The following CHRNB4 variants were observed in gnomAD, a reference collection of about 807,000 sequenced individuals.
CHRNB4 encodes cholinergic receptor nicotinic beta 4 subunit, also known as neuronal acetylcholine receptor subunit beta-4.
CHRNB4 carries 23 observed loss-of-function variants against 40.4 expected under a neutral mutation model. The observed-to-expected ratio is 0.57, with a 90% CI of 0.41 to 0.81. The LOEUF (loss-of-function observed/expected upper bound fraction) is 0.81, where lower values mean the gene tolerates loss of function less well. Among genes scored for constraint, CHRNB4 ranks in the 30% least tolerant of loss-of-function variants. The pLI, the probability that CHRNB4 is intolerant of heterozygous loss-of-function variation, is 0.00. For missense variants in CHRNB4, 568 were observed against 670.6 expected (o/e 0.85, Z 1.69); for synonymous variants, 285 against 274.4 (o/e 1.04, Z -0.38).
intron 7 of CHRNB4, among the ~76,000 whole-genome samples, chr15:78,647,788 A>G (rs2054137533): frequency 7.3e-6 from 1 of 136,554 alleles, no homozygotes; most frequent in African/African-American, 2.7e-5. Flanking sequence ...TGAATCCAGG[A>G]GGCGGAGCTT....
chr15:78,649,525 C>A (rs2054154282), intron 6 of CHRNB4: 2 of 352,604 alleles, frequency 5.7e-6, no homozygotes, highest in South Asian at 2.1e-5. Context: ...GCAACAGAGA[C>A]CATATGTTGC....
chr15:78,631,120 G>T lies in CHRNB4; in HGVS notation c.315C>A (p.Ile105=), dbSNP rs770178895. 19 of 1,614,106 alleles carry T rather than the reference G, an allele frequency of 1.2e-5. No individual in the cohort carries two copies. In the East Asian group the frequency reaches 4.2e-4, roughly 36 times the overall value. ...CAGGCAACCAGATGCGCTTTGCAGG[G>T]ATCCTCAGGATGTTCACACCCTCGT... The part of the protein sequence containing the change: ...SRYEGVNILR[I]PAKRIWLPDI... Residue 105 remains isoleucine, a synonymous_variant, in exon 4 of 6, where the codon ATC becomes ATA. Coordinates refer to ENST00000261751, the MANE Select transcript of CHRNB4 (RefSeq NM_000750.5).
upstream of CHRNB4, chr15:78,661,110 G>A: frequency 4.9e-6 from 3 of 613,370 alleles, no homozygotes; most frequent in South Asian, 2.7e-5. Context: ...TGGAGCGGAC[G>A]TAGGCTTTGG....
At chr15:78,631,430 G>T in intron 2 of CHRNB4, 98 bp from the exon 3 acceptor site, 3 of 1,132,654 alleles carry the variant, frequency 2.6e-6, no homozygotes, top group Non-Finnish European at 2.6e-6. Context: ...CCAGGCCCAC[G>T]TGACCAACTG....
intron 2 of CHRNB4, among the ~76,000 whole-genome samples, chr15:78,632,258 TC>T (rs2053846884): frequency 7.1e-6 from 1 of 140,470 alleles, no homozygotes; most frequent in African/African-American, 2.8e-5. Context: ...TCTCTCTCTT[TC>T]TTTCTTTCTT....
intron 1 of CHRNB4, among the ~76,000 whole-genome samples, chr15:78,659,500 AAC>A (rs1199477649): frequency 1.3e-5 from 2 of 152,010 alleles, no homozygotes; most frequent in African/African-American, 2.4e-5. Flanking sequence ...GAGAAAACAA[AAC>A]AGAGTGATGT....
At chr15:78,641,909 C>A (rs2054080991), upstream of CHRNB4, among the ~76,000 whole-genome samples, 1 of 152,180 alleles carries the variant, frequency 6.6e-6, no homozygotes, top group South Asian at 2.1e-4. Flanking sequence ...AGTACCATTC[C>A]CTTGCGGGTG....
At chr15:78,625,725 G>A (rs920466599) in intron 5 of CHRNB4, among the ~76,000 whole-genome samples, 2 of 152,206 alleles carry the variant, frequency 1.3e-5, no homozygotes, top group African/African-American at 2.4e-5. Context: ...CTAGTTCAGT[G>A]AGAGCAGAGA....
rs553054255 is a variant in CHRNB4 at position 78,649,737 on chromosome 15, T to C, written c.-15-298A>G. 1.4e-4 allele frequency among the ~76,000 whole-genome samples: 22 copies of C among 152,040 alleles called. No individual in the cohort carries two copies. The South Asian group carries it at 3.9e-3, about 27-fold the overall frequency. On this transcript the variant is annotated intron_variant and NMD_transcript_variant, in intron 6 of 11. Transcript: ENST00000559849. ...ACATGTTTAAAGATACCCACGTAAG[T>C]AGCAGAAGAATAAAATTGCACGAGT...
At chr15:78,644,241 T>A (rs575262008), upstream of CHRNB4, among the ~76,000 whole-genome samples, 23 of 151,472 alleles carry the variant, frequency 1.5e-4, no homozygotes, top group African/African-American at 5.1e-4. Context: ...AGGCCTTTCA[T>A]GAAGAGTGTT....
rs756372103 is a variant in CHRNB4, at chr15:78,625,257, A to T, written c.1373T>A (p.Val458Glu). 6.4e-7 allele frequency: 1 copy of T among 1,559,964 alleles called. No individual in the cohort carries two copies. The highest frequency in any genetic ancestry group is 1.4e-5 in the African/African-American group (1 of 73,042). Residue 458 changes from valine (V) to glutamate (E), a missense_variant, in exon 6 of 6, where the codon GTG becomes GAG. Val to Glu is a moderately radical substitution (Grantham distance 121). Around this residue, in one of 4 missense-constraint regions of CHRNB4, gnomAD observed 242 missense variants for 274.9 expected, o/e 0.88. Coordinates refer to ENST00000261751, the MANE Select transcript of CHRNB4 (RefSeq NM_000750.5). The stretch of plus-strand genomic sequence containing the variant: ...GAACACCCACAGGAACAGCCGGTCC[A>T]CCACCATAGCCACGTACTTCCAGTC... ...VEDWKYVAMV[V>E]DRLFLWVFMF...
chr15:78,635,683 C>A, intron 1 of CHRNB4, 96 bp from the exon 2 acceptor site: 1 of 1,532,786 alleles, frequency 6.5e-7, no homozygotes, highest in Non-Finnish European at 8.9e-7. Flanking sequence ...AGCACAGGTG[C>A]CCTTAGGGCT....
chr15:78,647,828 C>G (rs1257253850), intron 7 of CHRNB4, among the ~76,000 whole-genome samples: 1 of 136,116 alleles, frequency 7.3e-6, no homozygotes, highest in Non-Finnish European at 1.5e-5. Flanking sequence ...CCACTGCACT[C>G]CAGCCTGGGC....
Position 78,625,257 on chromosome 15 carries a change from A to G in CHRNB4, c.1373T>C (p.Val458Ala). 6.4e-7 allele frequency: 1 copy of G among 1,560,082 alleles called. No homozygotes were observed. Among genetic ancestry groups the G allele is most frequent in the Non-Finnish European group, 8.7e-7 (1 of 1,154,646 alleles). Residue 458 changes from valine (V) to alanine (A), a missense_variant, in exon 6 of 6, where the codon GTG becomes GCG. Physicochemically the swap from Val to Ala is moderately conservative, Grantham distance 64 (BLOSUM62 0). Around this residue, in one of 4 missense-constraint regions of CHRNB4, gnomAD observed 242 missense variants for 274.9 expected, o/e 0.88. Transcript: ENST00000261751. ...VEDWKYVAMV[V>A]DRLFLWVFMF... is the part of the protein sequence containing the mutation. ...GAACACCCACAGGAACAGCCGGTCC[A>G]CCACCATAGCCACGTACTTCCAGTC...
intron 4 of CHRNB4, chr15:78,656,156 G>C (rs888454460): frequency 4.6e-5 from 7 of 152,132 alleles, no homozygotes; most frequent in African/African-American, 1.7e-4. Flanking sequence ...TGGCCAACAT[G>C]GTGAAACCCC....
intron 7 of CHRNB4, among the ~76,000 whole-genome samples, chr15:78,648,610 C>T (rs2054146276): frequency 2.0e-5 from 3 of 149,310 alleles, no homozygotes; most frequent in Non-Finnish European, 3.0e-5. Context: ...AAAAATTAGC[C>T]AGGTGTGGTG....
chr15:78,658,580 C>T (rs892523337), intron 1 of CHRNB4, among the ~76,000 whole-genome samples: 1 of 152,042 alleles, frequency 6.6e-6, no homozygotes, highest in Admixed American at 6.5e-5. Context: ...TAATTACTTG[C>T]CCTTGGTGTC....
At chr15:78,632,217 TTCTC>T (rs1169843911) in intron 2 of CHRNB4, among the ~76,000 whole-genome samples, 45 of 86,036 alleles carry the variant, frequency 5.2e-4, no homozygotes, top group African/African-American at 3.5e-3. Flanking sequence ...TTCTTTCTCT[TTCTC>T]TCTCTCTCTC....
At chr15:78,661,526 C>T (rs987823044), upstream of CHRNB4, 7 of 539,708 alleles carry the variant, frequency 1.3e-5, no homozygotes, top group East Asian at 9.4e-5. Flanking sequence ...GCTTGACCAA[C>T]AGCCTCAGGT....
Sources: gnomAD v4.1 joint callset for allele counts (sites outside exome capture counted in the v4.1 genomes callset) on GRCh38, gnomAD v4.1.1 for gene constraint, gnomAD v4.1.1 regional missense constraint, MANE v1.5 for transcripts, NCBI Gene and HGNC (gene_info 2026-07-23, HGNC 2026-07-21) for gene names.